Variants in ROBO2 observed in about 807,000 individuals in gnomAD.
The protein encoded by ROBO2 is roundabout guidance receptor 2.
In ROBO2, 53 loss-of-function variants were observed where a neutral mutation model predicts 160.8. The observed-to-expected ratio is 0.33, with a 90% CI of 0.26 to 0.41. The LOEUF (loss-of-function observed/expected upper bound fraction) is 0.41, where lower values mean the gene tolerates loss of function less well. Ranked by LOEUF, ROBO2 falls within the 10% of genes least tolerant of loss-of-function variation. ROBO2 has a pLI of 1.00. For synonymous variants in ROBO2, 664 were observed against 611.7 expected (o/e 1.09, Z -1.26); for missense variants, 1,577 against 1,722.4 (o/e 0.92, Z 1.49).
intron 22 of ROBO2, among the ~76,000 whole-genome samples, chr3:77,620,976 A>T (rs1235050149): frequency 3.9e-5 from 6 of 152,224 alleles, no homozygotes; most frequent in African/African-American, 1.4e-4. Flanking sequence ...GGTAACAAAT[A>T]ACAATAAATT....
At chr3:76,147,780 G>A (rs2071975391) in intron 2 of ROBO2, among the ~76,000 whole-genome samples, 1 of 151,930 alleles carries the variant, frequency 6.6e-6, no homozygotes, top group Non-Finnish European at 1.5e-5. Context: ...TGGGGTCATT[G>A]GTCAGGGGAA....
intron 2 of ROBO2, among the ~76,000 whole-genome samples, chr3:76,015,362 A>T (rs767974251): frequency 2.0e-4 from 30 of 152,340 alleles, no homozygotes; most frequent in Admixed American, 5.2e-4. Flanking sequence ...GTTCGCAATG[A>T]TGTTACACAG....
At chr3:77,295,288 A>C (rs1434017297) in intron 2 of ROBO2, among the ~76,000 whole-genome samples, 1 of 149,046 alleles carries the variant, frequency 6.7e-6, no homozygotes, top group East Asian at 2.0e-4. Context: ...CTAGATCACC[A>C]AAGACATTAA....
intron 2 of ROBO2, among the ~76,000 whole-genome samples, chr3:76,095,220 C>T (rs2069392566): frequency 6.6e-6 from 1 of 151,616 alleles, no homozygotes; most frequent in Non-Finnish European, 1.5e-5. Context: ...GATATCAGAA[C>T]ACATGGGAGA....
At chr3:77,083,900 C>T (rs891822544) in intron 1 of ROBO2, among the ~76,000 whole-genome samples, 7 of 151,984 alleles carry the variant, frequency 4.6e-5, no homozygotes, top group Non-Finnish European at 1.0e-4. Context: ...CTAGAACTTT[C>T]CTTAGCTGGA....
chr3:76,142,804 T>C (rs2071726634), intron 2 of ROBO2, among the ~76,000 whole-genome samples: 1 of 151,906 alleles, frequency 6.6e-6, no homozygotes, highest in African/African-American at 2.4e-5. Context: ...AAGAGGATAA[T>C]TGGATTGTTT....
rs534587868 is a variant in ROBO2 at position 76,752,038 on chromosome 3, A to T, written c.110-345976A>T. ...TTCACAATAGCAAAGACTTGGAACC[A>T]ACCCAAATGTCCATCAATGATAGAC... On this transcript the variant is annotated intron_variant, in intron 2 of 26. Coordinates refer to the ROBO2 transcript ENST00000487694. Among the ~76,000 whole-genome samples, 18 of 152,312 alleles carry T rather than the reference A, an allele frequency of 1.2e-4. No individual in the cohort carries two copies. The East Asian group carries it at 3.1e-3, about 26-fold the overall frequency.
intron 16 of ROBO2, among the ~76,000 whole-genome samples, chr3:77,583,251 T>C (rs751265776): frequency 4.6e-5 from 7 of 151,956 alleles, no homozygotes; most frequent in Non-Finnish European, 7.4e-5. Flanking sequence ...TTCAGCAATG[T>C]TTGGGTTAGT....
chr3:76,219,974 A>C (rs889613644), intron 2 of ROBO2, among the ~76,000 whole-genome samples: 6 of 152,134 alleles, frequency 3.9e-5, no homozygotes, highest in African/African-American at 1.4e-4. Flanking sequence ...TGGCACATAT[A>C]CACCATGGAA....
intron 2 of ROBO2, among the ~76,000 whole-genome samples, chr3:76,680,524 G>T (rs2092532394): frequency 6.6e-6 from 1 of 151,954 alleles, no homozygotes; most frequent in South Asian, 2.1e-4. Flanking sequence ...TGCAGGAGAA[G>T]GTAGGCTGAT....
rs1287638089 is a variant in ROBO2, at chr3:76,762,878, T to C, written c.110-335136T>C. On this transcript the variant is annotated intron_variant, in intron 2 of 26. Coordinates refer to the ROBO2 transcript ENST00000487694. ...GTTATTTTCATTTATATTTCAACAA[T>C]GACAAAGTGTAACATTTCCCCAACC... Among the ~76,000 whole-genome samples, 4 of 151,720 alleles carry C rather than the reference T, an allele frequency of 2.6e-5. No individual in the cohort carries two copies. In the East Asian group the frequency reaches 7.8e-4, roughly 30 times the overall value.
intron 2 of ROBO2, among the ~76,000 whole-genome samples, chr3:75,973,064 G>T (rs1209843171): frequency 6.6e-6 from 1 of 151,626 alleles, no homozygotes; most frequent in Admixed American, 6.6e-5. Flanking sequence ...ACATTTTCCT[G>T]AAGTAAGAAG....
chr3:76,639,543 C>T lies in ROBO2; in HGVS notation c.110-458471C>T, dbSNP rs186465655. Among the ~76,000 whole-genome samples the T allele has an allele frequency of 1.8e-4, 27 of 152,122 alleles. No individual in the cohort carries two copies. In the East Asian group the frequency reaches 4.6e-3, roughly 26 times the overall value. ...TACTATGAAACGAGGAGCAGTTTCTCATCAAATAGTTATTGTTCACAAAAT... is the reference window on the plus strand; with the variant it reads ...TACTATGAAACGAGGAGCAGTTTCTTATCAAATAGTTATTGTTCACAAAAT... On this transcript the variant is annotated intron_variant, in intron 2 of 26. Transcript: ENST00000487694.
At chr3:77,568,012 T>C (rs2093534811) in intron 12 of ROBO2, among the ~76,000 whole-genome samples, 1 of 152,202 alleles carries the variant, frequency 6.6e-6, no homozygotes, top group African/African-American at 2.4e-5. Flanking sequence ...GCACATACTT[T>C]ATCCTTTAGT....
At chr3:76,522,633 A>C (rs563953118) in intron 2 of ROBO2, among the ~76,000 whole-genome samples, 2 of 152,260 alleles carry the variant, frequency 1.3e-5, no homozygotes. Context: ...TCAGACAAAC[A>C]ATTCACCTTC....
chr3:76,676,656 A>T (rs2092416437), intron 2 of ROBO2, among the ~76,000 whole-genome samples: 1 of 149,170 alleles, frequency 6.7e-6, no homozygotes, highest in African/African-American at 2.6e-5. Context: ...CCCAAGTAGG[A>T]ATAGCCTGAT....
chr3:75,927,454 A>G lies in ROBO2; in HGVS notation c.-13-10027A>G, dbSNP rs113565576. ...ATAATTAATCTTTGAGAGGTTAAGT[A>G]ACTATTACAAGGTAGTTTACCTAAT... On this transcript the variant is annotated intron_variant, in intron 1 of 26. Coordinates refer to the ROBO2 transcript ENST00000487694. 4.6e-3 allele frequency among the ~76,000 whole-genome samples: 697 copies of G among 152,308 alleles called. 4 individuals carry two copies. Among genetic ancestry groups the G allele is most frequent in the African/African-American group, 0.016 (680 of 41,570 alleles).
chr3:77,300,240 T>C (rs2062538961), intron 2 of ROBO2, among the ~76,000 whole-genome samples: 1 of 151,826 alleles, frequency 6.6e-6, no homozygotes, highest in African/African-American at 2.4e-5. Context: ...GCCTAGAGTT[T>C]TACCATTTGC....
intron 2 of ROBO2, among the ~76,000 whole-genome samples, chr3:76,016,238 G>A (rs753788891): frequency 2.0e-5 from 3 of 151,762 alleles, no homozygotes; most frequent in Non-Finnish European, 4.4e-5. Flanking sequence ...TTAATGGCAC[G>A]CATCTGCTCG....
Sources: allele counts gnomAD v4.1 joint callset (sites outside exome capture counted in the v4.1 genomes callset), GRCh38; gene constraint gnomAD v4.1.1; transcripts MANE v1.5; gene names NCBI Gene and HGNC (gene_info 2026-07-23, HGNC 2026-07-21).